TAB1: variants seen among roughly 807,000 people sequenced by gnomAD.
TAB1 encodes the protein TGF-beta-activated kinase 1 and MAP3K7-binding protein 1.
In TAB1, 30 loss-of-function variants were observed where a neutral mutation model predicts 54.5. The observed-to-expected ratio is 0.55, with a 90% CI of 0.41 to 0.75. TAB1 has a LOEUF of 0.75. Among genes scored for constraint, TAB1 ranks in the 30% least tolerant of loss-of-function variants. TAB1 has a pLI of 0.00. For missense variants in TAB1, 609 were observed against 683.2 expected (o/e 0.89, Z 1.21); for synonymous variants, 289 against 286.9 (o/e 1.01, Z -0.07).
chr22:39,434,032 C>G (rs904524306), downstream of TAB1, among the ~76,000 whole-genome samples: 4 of 152,222 alleles, frequency 2.6e-5, no homozygotes, highest in African/African-American at 7.2e-5. Context: ...GCCCCTCACA[C>G]AAGCATGGCA....
intron 1 of TAB1, among the ~76,000 whole-genome samples, chr22:39,408,276 A>G (rs1481763473): frequency 6.6e-6 from 1 of 152,244 alleles, no homozygotes; most frequent in Non-Finnish European, 1.5e-5. Flanking sequence ...TCAGACACAC[A>G]GTTTTTCTCA....
At chr22:39,418,911 T>G (rs1926952117) in intron 6 of TAB1, 66 bp downstream of exon 6, 1 of 1,355,228 alleles carries the variant, frequency 7.4e-7, no homozygotes. Context: ...CCTTTGGTGG[T>G]GGGGTAGAGA....
intron 10 of TAB1, among the ~76,000 whole-genome samples, chr22:39,429,648 T>G (rs1164682782): frequency 6.6e-6 from 1 of 152,106 alleles, no homozygotes; most frequent in East Asian, 1.9e-4. Flanking sequence ...TGGGTAAATT[T>G]TTTTTGTATT....
At chr22:39,414,866 T>G in intron 1 of TAB1, 140 bp from the exon 2 acceptor site, 6 of 864,334 alleles carry the variant, frequency 6.9e-6, no homozygotes, top group East Asian at 2.7e-5. Context: ...CATACAAACA[T>G]TATTGTTTTC....
At chr22:39,405,865 A>T (rs1926339284) in intron 1 of TAB1, among the ~76,000 whole-genome samples, 1 of 152,194 alleles carries the variant, frequency 6.6e-6, no homozygotes, top group African/African-American at 2.4e-5. Flanking sequence ...TCTCACTCCC[A>T]CTTGGTAGAA....
At chr22:39,399,956 A>G (rs1926057020) in intron 1 of TAB1, 121 bp downstream of exon 1, 2 of 1,102,442 alleles carry the variant, frequency 1.8e-6, no homozygotes, top group Middle Eastern at 2.3e-4. Context: ...GGGGTGTGTC[A>G]GCCACCTTCT....
In TAB1 at chr22:39,417,857, C is replaced by T; in HGVS notation, c.550+8C>T. 6.3e-7 allele frequency: 1 copy of T among 1,597,520 alleles called. No individual in the cohort carries two copies. Among genetic ancestry groups the T allele is most frequent in the Non-Finnish European group, 8.5e-7 (1 of 1,172,056 alleles). On this transcript the variant is annotated splice_region_variant and intron_variant, in intron 5 of 10. Transcript: ENST00000216160. ...TCTACGTCGCCAATGTCGGTGAGCC[C>T]CCTCCTGTCCCAGGGCAGGGAGGAC...
chr22:39,434,430 A>G (rs1241016655), downstream of TAB1, among the ~76,000 whole-genome samples: 1 of 152,210 alleles, frequency 6.6e-6, no homozygotes, highest in African/African-American at 2.4e-5. Flanking sequence ...AGCTCCTGAA[A>G]TTTCCGCCGA....
Position 39,430,116 on chromosome 22 carries a change from T to A in TAB1, c.1409T>A (p.Leu470His). ...TTCCGCTCCCGGCCCGCCCACTCGCTCCCGCCTGGCGAGGACGGTCGTGTT... is the reference window on the plus strand; with the variant it reads ...TTCCGCTCCCGGCCCGCCCACTCGCACCCGCCTGGCGAGGACGGTCGTGTT... The part of the protein sequence containing the change: ...GLFRSRPAHS[L>H]PPGEDGRVEP... The change falls in exon 11 of 11, where the codon CTC becomes CAC. Residue 470 changes from leucine to histidine, a missense_variant. Leu to His is a moderately conservative substitution (Grantham distance 99, BLOSUM62 -3). Transcript: ENST00000216160. 1 of 1,614,048 alleles carries A rather than the reference T, an allele frequency of 6.2e-7. No homozygotes were observed.
At chr22:39,399,875 C>T in intron 1 of TAB1, 40 bp downstream of exon 1, 19 of 1,574,024 alleles carry the variant, frequency 1.2e-5, no homozygotes, top group Non-Finnish European at 1.6e-5. Context: ...GGGTTGGGAG[C>T]CTGGGCGGGG....
Position 39,431,207 on chromosome 22 carries a change from G to A in TAB1, c.*985G>A. 1 of 985,642 alleles carries A rather than the reference G, an allele frequency of 1.0e-6. No individual in the cohort carries two copies. Among genetic ancestry groups the A allele is most frequent in the Non-Finnish European group, 1.2e-6 (1 of 830,080 alleles). The allele number at this position is 985,642 out of a possible 1,614,324, so 61.1% of individuals were successfully genotyped here. A position where few individuals can be genotyped will look rare whatever the true frequency, so the allele number is the denominator to read the frequency against. On this transcript the variant is annotated 3_prime_UTR_variant, in exon 11 of 11. Coordinates refer to ENST00000216160, the MANE Select transcript of TAB1 (RefSeq NM_006116.3). The stretch of plus-strand genomic sequence containing the variant: ...GAGGTTCTTTGAGACACAGTACCCT[G>A]GGAGGCATAGGAGAAGGGTCGGGCC...
chr22:39,429,907 C>T, intron 10 of TAB1, 108 bp from the exon 11 acceptor site: 3 of 1,554,372 alleles, frequency 1.9e-6, no homozygotes, highest in Non-Finnish European at 2.6e-6. Context: ...GCCAGAAAGG[C>T]CTGTGGCCCA....
intron 1 of TAB1, among the ~76,000 whole-genome samples, chr22:39,408,529 C>T (rs899292811): frequency 7.2e-5 from 11 of 152,088 alleles, no homozygotes; most frequent in Admixed American, 1.3e-4. Flanking sequence ...GACGGAGTCT[C>T]GCTCTGTCAT....
At position 39,415,175 on chromosome 22, in the gene TAB1, G is replaced by A; in HGVS notation, c.170+33G>A. ...TGCCAGCATTTCTGTGTTGGGCCCG[G>A]GGAGTTGGTTGGTTTGCAAGCAAGG... On this transcript the variant is annotated intron_variant, in intron 2 of 10. Transcript: ENST00000216160. This position sits in a 1 kb window ranked among gnomAD's most constrained non-coding sequence, Gnocchi z 4.9. 1.3e-6 allele frequency: 2 copies of A among 1,542,424 alleles called. No individual in the cohort carries two copies. Among genetic ancestry groups the A allele is most frequent in the Non-Finnish European group, 1.8e-6 (2 of 1,141,724 alleles).
At chr22:39,419,423 C>T (rs1365093508) in intron 6 of TAB1, 96 bp from the exon 7 acceptor site, 6 of 1,019,988 alleles carry the variant, frequency 5.9e-6, no homozygotes, top group Non-Finnish European at 8.7e-6. Flanking sequence ...TCAGTGGGTC[C>T]TTATTGCCTT....
In TAB1 at chr22:39,430,718, G is replaced by C; in HGVS notation, c.*496G>C. The C allele has an allele frequency of 9.7e-7, 1 of 1,026,482 alleles. No homozygotes were observed. The highest frequency in any genetic ancestry group is 1.2e-6 in the Non-Finnish European group (1 of 852,658). 63.6% of individuals were successfully genotyped at this position (1,026,482 alleles called of 1,614,324 possible). On this transcript the variant is annotated 3_prime_UTR_variant, in exon 11 of 11. Transcript: ENST00000216160. The stretch of plus-strand genomic sequence containing the variant: ...CTGCATCCAGAGTGGAACCCAGGCT[G>C]GTGTCCGCATCTGTCCCTGGGCCCC...
chr22:39,429,961 C>A, intron 10 of TAB1, 54 bp from the exon 11 acceptor site: 1 of 1,605,308 alleles, frequency 6.2e-7, no homozygotes. Context: ...CACTCTGCCC[C>A]AGGCCCCTTG....
chr22:39,419,400 C>T, intron 6 of TAB1, 119 bp from the exon 7 acceptor site: 1 of 803,046 alleles, frequency 1.2e-6, no homozygotes. Flanking sequence ...CTGGTGTTGT[C>T]TTCATTTCCT....
In TAB1 at chr22:39,415,112, AC is replaced by A. The variant is rs762169289; in HGVS notation, c.143del (p.Pro48ArgfsTer29). The A allele has an allele frequency of 6.2e-6, 10 of 1,604,242 alleles. No homozygotes were observed. The highest frequency in any genetic ancestry group is 6.8e-6 in the Non-Finnish European group (8 of 1,173,658). ...YSADGKGTES[H>X]PPEDSWLKFR... is the part of the protein sequence containing the mutation. ...GCTGATGGCAAGGGCACTGAGAGCC[AC>A]CCGCCAGAGGACAGCTGGCTCAAGT... On this transcript the variant is annotated frameshift_variant, in exon 2 of 11. Coordinates refer to ENST00000216160, the MANE Select transcript of TAB1 (RefSeq NM_006116.3). LOFTEE classifies it high-confidence loss of function. The surrounding 1 kb of genome is among the most constrained non-coding windows in gnomAD (Gnocchi z 4.9).
Sources: gnomAD v4.1 joint callset for allele counts (sites outside exome capture counted in the v4.1 genomes callset) on GRCh38, gnomAD v4.1.1 for gene constraint, Gnocchi (gnomAD v3.1) non-coding constraint, MANE v1.5 for transcripts, NCBI Gene and HGNC (gene_info 2026-07-23, HGNC 2026-07-21) for gene names.